Variants in CADPS observed in about 807,000 individuals in gnomAD.
CADPS encodes calcium-dependent secretion activator 1.
CADPS carries 57 observed loss-of-function variants against 167.3 expected under a neutral mutation model. The observed-to-expected ratio is 0.34, with a 90% CI of 0.28 to 0.42. The LOEUF is 0.42. Ranked by LOEUF, CADPS falls within the 20% of genes least tolerant of loss-of-function variation. The pLI is 1.00. For missense variants in CADPS, 1,414 were observed against 1,738.1 expected (o/e 0.81, Z 3.32); for synonymous variants, 676 against 635.3 (o/e 1.06, Z -0.96).
chr3:62,436,867 G>GA lies in CADPS; in HGVS notation c.3777+1236dup, dbSNP rs377133848. On this transcript the variant is annotated intron_variant, in intron 28 of 29. Coordinates refer to ENST00000383710, the MANE Select transcript of CADPS (RefSeq NM_003716.4). ...GAAAGGGGACGATTGGAAAAGAAAA[G>GA]AAAAAAAAAGAAAGGAGCCTTTCTA... Among the ~76,000 whole-genome samples the GA allele has an allele frequency of 5.4e-5, 8 of 148,968 alleles. No individual in the cohort carries two copies. In the South Asian group the frequency reaches 6.3e-4, roughly 12 times the overall value.
At chr3:62,528,824 C>T (rs1477090272) in intron 13 of CADPS, among the ~76,000 whole-genome samples, 1 of 152,142 alleles carries the variant, frequency 6.6e-6, no homozygotes, top group Non-Finnish European at 1.5e-5. Flanking sequence ...GCAAAATGAA[C>T]ATAAAAATAG....
chr3:62,751,667 C>T (rs953356655), intron 3 of CADPS, among the ~76,000 whole-genome samples: 1 of 152,202 alleles, frequency 6.6e-6, no homozygotes. Context: ...GTAATCCACC[C>T]GTCTTAGCCT....
rs111807648 is a variant in CADPS, at chr3:62,409,293, A to G, written c.3778-6108T>C. 7.4e-3 allele frequency among the ~76,000 whole-genome samples: 1,124 copies of G among 152,386 alleles called. 9 individuals are homozygous for G. Among genetic ancestry groups the G allele is most frequent in the Non-Finnish European group, 0.011 (729 of 68,036 alleles). On this transcript the variant is annotated intron_variant, in intron 28 of 29. Transcript: ENST00000383710. ...AGTAATGGATTGGTTACACAGAAAC[A>G]GCTCTAGTCCTAGGTGTCCCTAAAG...
chr3:62,549,899 T>G lies in CADPS; in HGVS notation c.1966+4A>C, dbSNP rs1477430808. 1 of 1,611,596 alleles carries G rather than the reference T, an allele frequency of 6.2e-7. No individual in the cohort carries two copies. Among genetic ancestry groups the G allele is most frequent in the African/African-American group, 1.3e-5 (1 of 74,990 alleles). Reference sequence around the variant, plus strand: ...TATTTTTGTAAAACGGCATATTTACTTACAAAATTGAGAGATAGGGGCATC... The same window carrying G: ...TATTTTTGTAAAACGGCATATTTACGTACAAAATTGAGAGATAGGGGCATC... On this transcript the variant is annotated splice_donor_region_variant and intron_variant, in intron 11 of 29. Transcript: ENST00000383710.
rs750089491 is a variant in CADPS, at chr3:62,753,798, G to A, written c.556-25C>T. 1.1e-5 allele frequency: 17 copies of A among 1,589,062 alleles called. No homozygotes were observed. In the Admixed American group the frequency reaches 2.1e-4, roughly 19 times the overall value. The stretch of plus-strand genomic sequence containing the variant: ...CCTGAGCAAGAACAAGGCCAGGAAA[G>A]ACAGTAGGAGAGTTTACCACAGAGG... On this transcript the variant is annotated intron_variant, in intron 2 of 29. Coordinates refer to ENST00000383710, the MANE Select transcript of CADPS (RefSeq NM_003716.4). The surrounding 1 kb of genome is among the most constrained non-coding windows in gnomAD (Gnocchi z 4.6).
chr3:62,583,741 T>G (rs1214637056), intron 8 of CADPS, among the ~76,000 whole-genome samples: 2 of 149,722 alleles, frequency 1.3e-5, no homozygotes, highest in Non-Finnish European at 3.0e-5. Context: ...TCTGGTGCCC[T>G]GACTGGTAGG....
rs377133848 is a variant in CADPS at position 62,436,867 on chromosome 3, GA to G, written c.3777+1236del. ...GAAAGGGGACGATTGGAAAAGAAAA[GA>G]AAAAAAAAGAAAGGAGCCTTTCTAC... On this transcript the variant is annotated intron_variant, in intron 28 of 29. Coordinates refer to ENST00000383710, the MANE Select transcript of CADPS (RefSeq NM_003716.4). 7.8e-3 allele frequency among the ~76,000 whole-genome samples: 1,170 copies of G among 149,072 alleles called. 12 individuals carry two copies. Among genetic ancestry groups the G allele is most frequent in the African/African-American group, 0.027 (1,101 of 40,668 alleles).
chr3:62,599,603 T>A (rs1231416347), intron 6 of CADPS, among the ~76,000 whole-genome samples: 2 of 79,078 alleles, frequency 2.5e-5, no homozygotes, highest in African/African-American at 5.1e-5. Context: ...TATTATATAT[T>A]TATTATATTA....
At position 62,808,916 on chromosome 3, in the gene CADPS, C is replaced by T. The variant is rs879520080; in HGVS notation, c.442-42932G>A. 1.1e-4 allele frequency among the ~76,000 whole-genome samples: 17 copies of T among 152,206 alleles called. No homozygotes were observed. The East Asian group carries it at 1.9e-3, about 17-fold the overall frequency. On this transcript the variant is annotated intron_variant, in intron 1 of 29. Coordinates refer to ENST00000383710, the MANE Select transcript of CADPS (RefSeq NM_003716.4). Reference sequence around the variant, plus strand: ...CTTTTCCATCCTAAACCTCTTCCTCCTCCAACTCTTCCTCCTCCAACTCAA... The same window carrying T: ...CTTTTCCATCCTAAACCTCTTCCTCTTCCAACTCTTCCTCCTCCAACTCAA...
At chr3:62,491,212 G>T (rs1006700023) in intron 21 of CADPS, 127 bp downstream of exon 21, 1 of 1,090,216 alleles carries the variant, frequency 9.2e-7, no homozygotes, top group Admixed American at 2.4e-5. Context: ...CATAGTAGAA[G>T]AAATGTATGG....
At chr3:62,662,189 G>T in intron 4 of CADPS, 125 bp downstream of exon 4, 1 of 819,170 alleles carries the variant, frequency 1.2e-6, no homozygotes. Context: ...CAATGAGGGT[G>T]ATTGTCCTCA....
At chr3:62,773,763 T>C (rs893914026) in intron 1 of CADPS, among the ~76,000 whole-genome samples, 3 of 152,192 alleles carry the variant, frequency 2.0e-5, no homozygotes, top group Non-Finnish European at 4.4e-5. Flanking sequence ...TTTTACAAAG[T>C]GTTTCTTTAG....
At position 62,506,976 on chromosome 3, in the gene CADPS, A is replaced by T. The variant is rs2066801371; in HGVS notation, c.2599+5775T>A. On this transcript the variant is annotated intron_variant, in intron 17 of 29. Coordinates refer to ENST00000383710, the MANE Select transcript of CADPS (RefSeq NM_003716.4). ...CAGCTGGAGATATGAAAACACATGA[A>T]CATTTTTCATTTCTGAGACCAACTC... Among the ~76,000 whole-genome samples the T allele has an allele frequency of 2.6e-5, 4 of 152,186 alleles. No individual in the cohort carries two copies. In the South Asian group the frequency reaches 8.3e-4, roughly 32 times the overall value.
intron 6 of CADPS, among the ~76,000 whole-genome samples, chr3:62,619,522 T>C (rs191626403): frequency 1.3e-5 from 2 of 152,264 alleles, no homozygotes; most frequent in Admixed American, 1.3e-4. Context: ...AGGTTCCAGC[T>C]TGAAAAAACA....
At chr3:62,634,903 G>A (rs914962256) in intron 6 of CADPS, among the ~76,000 whole-genome samples, 2 of 152,150 alleles carry the variant, frequency 1.3e-5, no homozygotes, top group African/African-American at 4.8e-5. Context: ...GTGAGATGAA[G>A]GAAGGGCTGA....
intron 1 of CADPS, among the ~76,000 whole-genome samples, chr3:62,861,093 G>A (rs925308908): frequency 6.6e-6 from 1 of 152,096 alleles, no homozygotes; most frequent in Non-Finnish European, 1.5e-5. Flanking sequence ...GTTTATTGTG[G>A]GGTTTATGCT....
intron 26 of CADPS, among the ~76,000 whole-genome samples, chr3:62,453,074 G>A (rs1284451886): frequency 6.6e-6 from 1 of 152,114 alleles, no homozygotes; most frequent in African/African-American, 2.4e-5. Flanking sequence ...TCGAAGCTGC[G>A]GTGAGCTGTG....
At chr3:62,536,354 G>C (rs1188293257) in intron 12 of CADPS, 91 bp downstream of exon 12, 5 of 1,134,538 alleles carry the variant, frequency 4.4e-6, no homozygotes, top group Middle Eastern at 2.0e-4. Context: ...TTCTGTAATG[G>C]AGAAAAGAGC....
At chr3:62,613,075 C>T (rs1427257930) in intron 6 of CADPS, among the ~76,000 whole-genome samples, 1 of 152,132 alleles carries the variant, frequency 6.6e-6, no homozygotes, top group African/African-American at 2.4e-5. Flanking sequence ...CAGGGGACAT[C>T]CTGCCTGAAG....
Sources: gnomAD v4.1 joint callset for allele counts (sites outside exome capture counted in the v4.1 genomes callset) on GRCh38, gnomAD v4.1.1 for gene constraint, Gnocchi (gnomAD v3.1) non-coding constraint, MANE v1.5 for transcripts, NCBI Gene and HGNC (gene_info 2026-07-23, HGNC 2026-07-21) for gene names.